The following NEDD9 variants were observed in gnomAD, a reference collection of about 807,000 sequenced individuals.
NEDD9 encodes the protein enhancer of filamentation 1.
Under a neutral mutation model 76.6 loss-of-function variants are expected in NEDD9, and 26 were observed. The ratio of observed to expected loss-of-function variants is 0.34; its 90% confidence interval spans 0.25 to 0.47. The LOEUF (loss-of-function observed/expected upper bound fraction) is 0.47, where lower values mean the gene tolerates loss of function less well. Among genes scored for constraint, NEDD9 ranks in the 20% least tolerant of loss-of-function variants. The probability of loss-of-function intolerance (pLI) is 1.00; values close to 1 mark genes in which losing one functional copy is unlikely to be tolerated. For synonymous variants in NEDD9, 392 were observed against 414.2 expected, an observed-to-expected ratio of 0.95 and a Z score of 0.65; for missense variants, 937 against 1,058.5, an observed-to-expected ratio of 0.89 and a Z score of 1.59.
chr6:11,295,594 G>A (rs1393765465), intron 3 of NEDD9, among the ~76,000 whole-genome samples: 1 of 152,112 alleles, frequency 6.6e-6, no homozygotes, highest in Admixed American at 6.5e-5. Context: ...TCCCTCGGGT[G>A]GCCTGTTTAC....
chr6:11,301,692 G>T (rs768342933), intron 3 of NEDD9, among the ~76,000 whole-genome samples: 4 of 152,144 alleles, frequency 2.6e-5, no homozygotes, highest in Non-Finnish European at 4.4e-5. Context: ...AATCAAATTA[G>T]AACTCAGGAT....
chr6:11,283,172 T>C (rs1462119060), intron 3 of NEDD9, among the ~76,000 whole-genome samples: 1 of 152,174 alleles, frequency 6.6e-6, no homozygotes, highest in Non-Finnish European at 1.5e-5. Flanking sequence ...AAGAACATCC[T>C]TAAATACTCT....
At chr6:11,207,662 A>G (rs571999245) in intron 2 of NEDD9, 17 of 152,384 alleles carry the variant, frequency 1.1e-4, no homozygotes, top group Admixed American at 6.5e-4. Context: ...TTGCAATGGC[A>G]GACCATTCCA....
At chr6:11,321,248 T>A (rs554738407) in intron 2 of NEDD9, among the ~76,000 whole-genome samples, 2 of 149,176 alleles carry the variant, frequency 1.3e-5, no homozygotes, top group African/African-American at 4.9e-5. Flanking sequence ...AGGGAGGGAA[T>A]TGGCTCTTTC....
intron 3 of NEDD9, among the ~76,000 whole-genome samples, chr6:11,192,919 C>A (rs1581945533): frequency 1.6e-5 from 1 of 60,706 alleles, no homozygotes. Flanking sequence ...GGTGACAGAA[C>A]AAGACTCTGT....
At chr6:11,310,663 G>A (rs755785763) in intron 2 of NEDD9, among the ~76,000 whole-genome samples, 1 of 152,108 alleles carries the variant, frequency 6.6e-6, no homozygotes, top group African/African-American at 2.4e-5. Context: ...ACATTGAATG[G>A]GGCCTAGTCT....
chr6:11,286,064 A>G (rs1760642689), intron 3 of NEDD9, among the ~76,000 whole-genome samples: 1 of 152,214 alleles, frequency 6.6e-6, no homozygotes, highest in South Asian at 2.1e-4. Context: ...CAAGCCAGAC[A>G]CTGGCGGAAA....
chr6:11,261,510 A>G (rs537616935), intron 3 of NEDD9, among the ~76,000 whole-genome samples: 1 of 152,348 alleles, frequency 6.6e-6, no homozygotes, highest in South Asian at 2.1e-4. Flanking sequence ...CATTCATTCA[A>G]CATAAATTGA....
At chr6:11,278,547 G>A (rs544293013) in intron 3 of NEDD9, among the ~76,000 whole-genome samples, 12 of 152,334 alleles carry the variant, frequency 7.9e-5, no homozygotes, top group Admixed American at 3.3e-4. Flanking sequence ...GAAAGTTGCA[G>A]ATTCGAAGAG....
chr6:11,207,466 G>A (rs1228959778), intron 2 of NEDD9: 1 of 152,112 alleles, frequency 6.6e-6, no homozygotes, highest in Non-Finnish European at 1.5e-5. Context: ...TTCAGGAATG[G>A]GCCTGGAAGA....
chr6:11,267,378 T>G (rs1378906603), intron 3 of NEDD9, among the ~76,000 whole-genome samples: 7 of 146,948 alleles, frequency 4.8e-5, no homozygotes, highest in Non-Finnish European at 1.0e-4. Flanking sequence ...AGGTCAGATG[T>G]CTTTGAAAAA....
chr6:11,225,692 G>A (rs935399955), intron 1 of NEDD9, among the ~76,000 whole-genome samples: 1 of 151,908 alleles, frequency 6.6e-6, no homozygotes, highest in African/African-American at 2.4e-5. Flanking sequence ...TAGTAGAGAC[G>A]GGGTTTCACC....
intron 3 of NEDD9, among the ~76,000 whole-genome samples, chr6:11,276,360 C>T (rs572068950): frequency 7.2e-5 from 11 of 152,180 alleles, no homozygotes; most frequent in East Asian, 1.9e-4. Flanking sequence ...TGTGTGCATG[C>T]GTGTGTGTGC....
chr6:11,335,446 C>T (rs1762136541), intron 1 of NEDD9, among the ~76,000 whole-genome samples: 1 of 152,196 alleles, frequency 6.6e-6, no homozygotes, highest in African/African-American at 2.4e-5. Context: ...GCAGTGGCTG[C>T]AGCTGGCATT....
intron 1 of NEDD9, among the ~76,000 whole-genome samples, chr6:11,366,659 G>A (rs987429968): frequency 6.6e-6 from 1 of 152,172 alleles, no homozygotes. Flanking sequence ...ATGAAAACCA[G>A]CGTCTTCACA....
chr6:11,200,631 A>C (rs1385007507), intron 2 of NEDD9: 1 of 1,126,544 alleles, frequency 8.9e-7, no homozygotes, highest in African/African-American at 1.6e-5. Flanking sequence ...TCATTCCTAA[A>C]TTTAAGTCAG....
chr6:11,249,003 T>C (rs1561805854), intron 3 of NEDD9: 1 of 412,902 alleles, frequency 2.4e-6, no homozygotes, highest in Non-Finnish European at 4.9e-6. Context: ...CAGCTATTCA[T>C]ATGCCAGTGA....
chr6:11,310,021 G>A (rs1012577558), intron 2 of NEDD9, among the ~76,000 whole-genome samples: 1 of 152,164 alleles, frequency 6.6e-6, no homozygotes, highest in Non-Finnish European at 1.5e-5. Context: ...GCCACTAGGA[G>A]GGCAGCTGGT....
chr6:11,335,489 AC>A (rs1328209076), intron 1 of NEDD9, among the ~76,000 whole-genome samples: 1 of 152,194 alleles, frequency 6.6e-6, no homozygotes, highest in Non-Finnish European at 1.5e-5. Flanking sequence ...CTTCTCCACA[AC>A]AACACCCGAC....
Sources: allele counts gnomAD v4.1 joint callset (sites outside exome capture counted in the v4.1 genomes callset), GRCh38; gene constraint gnomAD v4.1.1; transcripts MANE v1.5; gene names NCBI Gene and HGNC (gene_info 2026-07-23, HGNC 2026-07-21).